CCND1: variants seen among roughly 807,000 people sequenced by gnomAD.
CCND1 encodes the protein G1/S-specific cyclin-D1.
A neutral mutation model predicts 26.1 loss-of-function variants in CCND1; 9 were observed. That is an observed-to-expected ratio of 0.35 (90% CI 0.21 to 0.60). CCND1 has a LOEUF of 0.60. Ranked by LOEUF, CCND1 falls within the 20% of genes least tolerant of loss-of-function variation. The pLI is 0.79. For synonymous variants in CCND1, 194 were observed against 166.1 expected (o/e 1.17, Z -1.29); for missense variants, 335 against 392.9 (o/e 0.85, Z 1.25).
In CCND1 at chr11:69,652,612, G is replaced by A. The variant is rs1428814839; in HGVS notation, c.*1330G>A. Reference sequence around the variant, plus strand: ...TAGGGACCTCAGAGGTTTACCTAGAGAACAGGTGGTTTTTAAGGGTTATCT... The same window carrying A: ...TAGGGACCTCAGAGGTTTACCTAGAAAACAGGTGGTTTTTAAGGGTTATCT... On this transcript the variant is annotated 3_prime_UTR_variant, in exon 5 of 5. Coordinates refer to ENST00000227507, the MANE Select transcript of CCND1 (RefSeq NM_053056.3). 23 of 233,212 alleles carry A rather than the reference G, an allele frequency of 9.9e-5. No individual in the cohort carries two copies. The highest frequency in any genetic ancestry group is 1.2e-3 in the Middle Eastern group (1 of 806). The allele number at this position is 233,212 out of a possible 1,614,324, so 14.4% of individuals were successfully genotyped here.
intron 4 of CCND1, among the ~76,000 whole-genome samples, chr11:69,648,517 T>C (rs1196874740): frequency 2.0e-5 from 3 of 152,232 alleles, no homozygotes; most frequent in Admixed American, 1.3e-4. Flanking sequence ...GGCCAATAAA[T>C]AGATGCTTGA....
At chr11:69,650,120 G>A (rs1185310884) in intron 4 of CCND1, among the ~76,000 whole-genome samples, 1 of 152,206 alleles carries the variant, frequency 6.6e-6, no homozygotes. Context: ...GAGTTAAGTG[G>A]CACCTGTGCG....
intron 3 of CCND1, among the ~76,000 whole-genome samples, chr11:69,645,751 G>A (rs1408645777): frequency 2.0e-5 from 3 of 152,188 alleles, no homozygotes; most frequent in Non-Finnish European, 2.9e-5. Context: ...AGTCTAGGAA[G>A]GTGTTTTTGC....
At chr11:69,649,402 G>A (rs934598422) in intron 4 of CCND1, among the ~76,000 whole-genome samples, 2 of 152,134 alleles carry the variant, frequency 1.3e-5, no homozygotes, top group Non-Finnish European at 2.9e-5. Flanking sequence ...GGAGGCACAC[G>A]TCTCACAGCT....
intron 1 of CCND1, 56 bp from the exon 2 acceptor site, chr11:69,642,975 G>T: frequency 7.3e-7 from 1 of 1,361,134 alleles, no homozygotes; most frequent in Non-Finnish European, 9.8e-7. Context: ...GTGCGGGGGC[G>T]TGCGGGGGGG....
intron 1 of CCND1, among the ~76,000 whole-genome samples, 158 bp downstream of exon 1, chr11:69,641,669 G>GT (rs1855702622): frequency 6.6e-6 from 1 of 151,312 alleles, no homozygotes; most frequent in East Asian, 2.0e-4. Context: ...AAAATTGCGG[G>GT]TATTTTCTGA....
At chr11:69,643,743 G>C (rs1855742197) in intron 2 of CCND1, 89 bp from the exon 3 acceptor site, 1 of 1,288,080 alleles carries the variant, frequency 7.8e-7, no homozygotes, top group Non-Finnish European at 1.1e-6. Flanking sequence ...CCGGAGGTGC[G>C]GCGTGGCCCG....
chr11:69,642,786 C>T (rs554770420), intron 1 of CCND1, among the ~76,000 whole-genome samples: 1,709 of 150,874 alleles, frequency 0.011, 14 homozygotes, highest in Non-Finnish European at 0.016. Context: ...CGCCGCCCAG[C>T]TGTGCCCGCT....
At chr11:69,646,147 G>A (rs529786805) in intron 3 of CCND1, among the ~76,000 whole-genome samples, 26 of 152,230 alleles carry the variant, frequency 1.7e-4, no homozygotes, top group Non-Finnish European at 3.2e-4. Flanking sequence ...TGCACAAGGT[G>A]CGGAGCCAGC....
At chr11:69,647,835 G>A in intron 3 of CCND1, 159 bp from the exon 4 acceptor site, 1 of 752,060 alleles carries the variant, frequency 1.3e-6, no homozygotes, top group Non-Finnish European at 2.1e-6. Context: ...AGGGATGGCT[G>A]GAGGCTGAGG....
In CCND1 at chr11:69,643,267, C is replaced by G. The variant is rs376692814; in HGVS notation, c.414+21C>G. 3.5e-3 allele frequency: 5,303 copies of G among 1,518,896 alleles called. 14 individuals carry two copies. Among genetic ancestry groups the G allele is most frequent in the Non-Finnish European group, 4.4e-3 (5,010 of 1,126,194 alleles). 94.1% of individuals were successfully genotyped at this position (1,518,896 alleles called of 1,614,324 possible). The stretch of plus-strand genomic sequence containing the variant: ...TGCTGGTAACCACTGGACCCCGCCG[C>G]CCCCCGCCCCCCGCGAGCCGCACGC... On this transcript the variant is annotated intron_variant, in intron 2 of 4. Transcript: ENST00000227507.
intron 4 of CCND1, among the ~76,000 whole-genome samples, chr11:69,649,754 A>AGTGG (rs1286279259): frequency 2.6e-5 from 4 of 152,108 alleles, no homozygotes; most frequent in African/African-American, 9.6e-5. Flanking sequence ...GTGACCCTGG[A>AGTGG]GTGGGTCATG....
chr11:69,645,582 C>G (rs1310748595), intron 3 of CCND1, among the ~76,000 whole-genome samples: 2 of 152,172 alleles, frequency 1.3e-5, no homozygotes, highest in African/African-American at 4.8e-5. Context: ...ACCAGGGGAC[C>G]CACCCCTGCA....
intron 4 of CCND1, among the ~76,000 whole-genome samples, chr11:69,650,622 C>T (rs763930565): frequency 2.9e-4 from 44 of 152,236 alleles, no homozygotes; most frequent in Non-Finnish European, 1.8e-4. Context: ...ACCCAGCATT[C>T]ATCCTCAGTC....
chr11:69,642,179 C>A (rs1420050263), intron 1 of CCND1, among the ~76,000 whole-genome samples: 1 of 152,064 alleles, frequency 6.6e-6, no homozygotes, highest in Non-Finnish European at 1.5e-5. Context: ...AGTCCCGGGG[C>A]GCCCCGAACG....
At chr11:69,644,212 C>T (rs1450657516) in intron 3 of CCND1, 1 of 588,400 alleles carries the variant, frequency 1.7e-6, no homozygotes, top group East Asian at 2.9e-5. Context: ...CATGCAGTAC[C>T]TTGGGCATTG....
At chr11:69,641,635 C>A in intron 1 of CCND1, 124 bp downstream of exon 1, 1 of 928,720 alleles carries the variant, frequency 1.1e-6, no homozygotes. Flanking sequence ...CGTGGTGTTT[C>A]TAGGGATCCG....
At chr11:69,641,625 C>G in intron 1 of CCND1, 114 bp downstream of exon 1, 2 of 1,047,278 alleles carry the variant, frequency 1.9e-6, no homozygotes, top group South Asian at 2.8e-5. Flanking sequence ...TGAAGTTTGC[C>G]GTGGTGTTTC....
chr11:69,643,956 AAC>A lies in CCND1; in HGVS notation c.542_543del (p.His181ArgfsTer59). ...GAGGAGAACAAACAGATCATCCGCA[AAC>A]ACGCGCAGACCTTCGTTGCCCTCTG... On this transcript the variant is annotated frameshift_variant, in exon 3 of 5. Coordinates refer to ENST00000227507, the MANE Select transcript of CCND1 (RefSeq NM_053056.3). LOFTEE classifies it high-confidence loss of function. The A allele has an allele frequency of 6.2e-7, 1 of 1,613,466 alleles. No homozygotes were observed. Among genetic ancestry groups the A allele is most frequent in the Non-Finnish European group, 8.5e-7 (1 of 1,180,006 alleles).
Sources: gnomAD v4.1 joint callset for allele counts (sites outside exome capture counted in the v4.1 genomes callset) on GRCh38, gnomAD v4.1.1 for gene constraint, MANE v1.5 for transcripts, NCBI Gene and HGNC (gene_info 2026-07-23, HGNC 2026-07-21) for gene names.